ERG: variants seen among roughly 807,000 people sequenced by gnomAD.
ERG encodes the protein ETS transcription factor ERG.
In ERG, 9 loss-of-function variants were observed where a neutral mutation model predicts 55.3. The ratio of observed to expected loss-of-function variants is 0.16; its 90% CI spans 0.10 to 0.28. The LOEUF is 0.28. ERG is among the 10% of genes least tolerant of loss of function. ERG has a pLI of 1.00. For missense variants in ERG, 434 were observed against 631.6 expected, an observed-to-expected ratio of 0.69 and a Z score of 3.35; for synonymous variants, 223 against 237.3, an observed-to-expected ratio of 0.94 and a Z score of 0.55.
At chr21:38,639,899 C>T (rs970059994) in intron 1 of ERG, among the ~76,000 whole-genome samples, 2 of 152,150 alleles carry the variant, frequency 1.3e-5, no homozygotes, top group African/African-American at 2.4e-5. Context: ...CCAACAGAAT[C>T]CTAGGGTGCC....
At chr21:38,592,166 T>G (rs1320399026) in intron 1 of ERG, among the ~76,000 whole-genome samples, 1 of 152,214 alleles carries the variant, frequency 6.6e-6, no homozygotes, top group Non-Finnish European at 1.5e-5. Context: ...ACTTGGTCAT[T>G]TCTATGGAGT....
rs142196026 is a variant in ERG at position 38,459,473 on chromosome 21, A to G, written c.19-13852T>C. On this transcript the variant is annotated intron_variant, in intron 1 of 9. Coordinates refer to ENST00000288319, the MANE Select transcript of ERG (RefSeq NM_182918.4). ...CCATTACAATTTACTTTGGGGGACG[A>G]TTTTATAGCACGTCTTCACAGACAA... Among the ~76,000 whole-genome samples, 811 of 152,330 alleles carry G rather than the reference A, an allele frequency of 5.3e-3. 8 individuals carry two copies. Among genetic ancestry groups the G allele is most frequent in the African/African-American group, 0.019 (770 of 41,566 alleles).
chr21:38,546,359 T>G (rs545471311), intron 2 of ERG, among the ~76,000 whole-genome samples: 2 of 152,218 alleles, frequency 1.3e-5, no homozygotes, highest in Non-Finnish European at 2.9e-5. Flanking sequence ...GAAAAGATAG[T>G]ACTGTGCTTC....
chr21:38,450,854 T>C lies in ERG; in HGVS notation c.19-5233A>G, dbSNP rs190994784. On this transcript the variant is annotated intron_variant, in intron 1 of 9. Transcript: ENST00000288319. ...ATATCCAATGACATCTTACATTTTA[T>C]GAAAAATGATCATTTAATCCTTACA... The C allele has an allele frequency of 1.6e-3, 728 of 448,094 alleles. 5 individuals are homozygous for C. The highest frequency in any genetic ancestry group is 2.2e-3 in the Non-Finnish European group (486 of 224,734). The allele number at this position is 448,094 out of a possible 1,614,324, so 27.8% of individuals were successfully genotyped here.
intron 1 of ERG, among the ~76,000 whole-genome samples, chr21:38,472,275 A>C (rs754423658): frequency 6.6e-6 from 1 of 152,242 alleles, no homozygotes; most frequent in Non-Finnish European, 1.5e-5. Flanking sequence ...AGTCACTCAT[A>C]GAAAATACTG....
intron 2 of ERG, among the ~76,000 whole-genome samples, chr21:38,442,554 T>TGAGG (rs2058851678): frequency 1.3e-5 from 2 of 152,296 alleles, no homozygotes; most frequent in South Asian, 4.1e-4. Context: ...GGGGCGGAAC[T>TGAGG]GCCCTGGTGT....
At chr21:38,575,631 G>GAGCT in intron 2 of ERG, 2 of 1,566,538 alleles carry the variant, frequency 1.3e-6, no homozygotes, top group Non-Finnish European at 1.8e-6. Flanking sequence ...GAGGAAGGCA[G>GAGCT]AGCTGGCTTC....
At chr21:38,448,951 T>G (rs550485014) in intron 1 of ERG, 1 of 152,362 alleles carries the variant, frequency 6.6e-6, no homozygotes, top group African/African-American at 2.4e-5. Context: ...TGGCCTTGAC[T>G]GACATGTCTC....
intron 1 of ERG, among the ~76,000 whole-genome samples, chr21:38,603,719 C>T (rs1333893213): frequency 6.6e-6 from 1 of 151,910 alleles, no homozygotes; most frequent in Non-Finnish European, 1.5e-5. Context: ...GAAGGGCCCC[C>T]GATAAGGTTT....
chr21:38,412,622 C>A (rs1477472302), intron 3 of ERG, among the ~76,000 whole-genome samples: 5 of 152,126 alleles, frequency 3.3e-5, no homozygotes, highest in African/African-American at 9.7e-5. Flanking sequence ...TAAATTAAAT[C>A]TTTTGTTATT....
intron 1 of ERG, among the ~76,000 whole-genome samples, chr21:38,653,916 A>G (rs1601358918): frequency 6.6e-6 from 1 of 152,232 alleles, no homozygotes; most frequent in African/African-American, 2.4e-5. Context: ...GCAAAGAAAA[A>G]GTTTATATTG....
At chr21:38,404,552 C>T (rs1289950310) in intron 3 of ERG, among the ~76,000 whole-genome samples, 1 of 152,210 alleles carries the variant, frequency 6.6e-6, no homozygotes, top group Non-Finnish European at 1.5e-5. Flanking sequence ...GTAGGGTCTT[C>T]AGAGTGTGGT....
chr21:38,428,835 T>C (rs1238229273), intron 2 of ERG, among the ~76,000 whole-genome samples: 1 of 152,188 alleles, frequency 6.6e-6, no homozygotes, highest in Non-Finnish European at 1.5e-5. Flanking sequence ...ATAAGCGTGG[T>C]TCAAGATATT....
At position 38,652,496 on chromosome 21, in the gene ERG, A is replaced by G. The variant is rs1019832282; in HGVS notation, c.-150+9162T>C. Among the ~76,000 whole-genome samples, 3 of 152,214 alleles carry G rather than the reference A, an allele frequency of 2.0e-5. No individual in the cohort carries two copies. The East Asian group carries it at 5.8e-4, about 29-fold the overall frequency. ...CAAAATAAAAAATAAAGATGAAGCT[A>G]AAGAGAAACAAGGGTAAGAACATAA... is the stretch of plus-strand genomic sequence containing the variant. On this transcript the variant is annotated intron_variant, in intron 1 of 10. Transcript: ENST00000398910.
intron 1 of ERG, among the ~76,000 whole-genome samples, chr21:38,616,516 T>C (rs538945282): frequency 2.0e-5 from 3 of 152,276 alleles, no homozygotes; most frequent in African/African-American, 7.2e-5. Flanking sequence ...CTGTTGCTTA[T>C]ACTTGACCAT....
chr21:38,424,428 G>T (rs965636247), intron 2 of ERG, among the ~76,000 whole-genome samples: 2 of 152,186 alleles, frequency 1.3e-5, no homozygotes, highest in Non-Finnish European at 2.9e-5. Flanking sequence ...GCCCATACTG[G>T]CTAGATGCAC....
chr21:38,477,007 C>CTTTTTTTTTTTTTTTT (rs397867221), intron 1 of ERG, among the ~76,000 whole-genome samples: 2 of 84,154 alleles, frequency 2.4e-5, no homozygotes, highest in African/African-American at 4.7e-5. Flanking sequence ...TCTTTCTTTC[C>CTTTTTTTTTTTTTTTT]TTTTTTTTTT....
At chr21:38,552,509 G>A (rs2059830772) in intron 2 of ERG, among the ~76,000 whole-genome samples, 1 of 152,052 alleles carries the variant, frequency 6.6e-6, no homozygotes, top group South Asian at 2.1e-4. Context: ...ATTATTCCTG[G>A]GATGCAAGGT....
At chr21:38,503,013 C>T (rs946405626), upstream of ERG, among the ~76,000 whole-genome samples, 1 of 152,030 alleles carries the variant, frequency 6.6e-6, no homozygotes, top group Non-Finnish European at 1.5e-5. Flanking sequence ...GCGTGAGCCA[C>T]CACGCCCGGC....
Sources: gnomAD v4.1 joint callset for allele counts (sites outside exome capture counted in the v4.1 genomes callset) on GRCh38, gnomAD v4.1.1 for gene constraint, MANE v1.5 for transcripts, NCBI Gene and HGNC (gene_info 2026-07-23, HGNC 2026-07-21) for gene names.